Variants in PHACTR1 observed in about 807,000 individuals in gnomAD.
The protein encoded by PHACTR1 is RPEL repeat containing 1.
Under a neutral mutation model 69.2 loss-of-function variants are expected in PHACTR1, and 16 were observed. The ratio of observed to expected loss-of-function variants is 0.23; its 90% CI spans 0.16 to 0.35. PHACTR1 has a LOEUF of 0.35. Ranked by LOEUF, PHACTR1 falls within the 10% of genes least tolerant of loss-of-function variation. The pLI is 1.00. For synonymous variants in PHACTR1, 312 were observed against 284.5 expected, an observed-to-expected ratio of 1.10 and a Z score of -0.97; for missense variants, 510 against 734.7, an observed-to-expected ratio of 0.69 and a Z score of 3.54.
chr6:13,221,350 A>G (rs1338789085), intron 8 of PHACTR1, among the ~76,000 whole-genome samples: 6 of 144,654 alleles, frequency 4.1e-5, no homozygotes, highest in Admixed American at 3.5e-4. Context: ...CCAGTTTACA[A>G]TGAGGCCTTT....
intron 4 of PHACTR1, among the ~76,000 whole-genome samples, chr6:13,051,632 A>G (rs939730608): frequency 9.9e-5 from 15 of 152,142 alleles, no homozygotes; most frequent in African/African-American, 3.1e-4. Flanking sequence ...TCCCCTTGCC[A>G]GGAGAACAGC....
intron 4 of PHACTR1, among the ~76,000 whole-genome samples, chr6:12,774,335 T>C (rs546697902): frequency 6.6e-6 from 1 of 152,316 alleles, no homozygotes; most frequent in South Asian, 2.1e-4. Flanking sequence ...TCCCCAATAC[T>C]TCAAAGGAAA....
intron 4 of PHACTR1, among the ~76,000 whole-genome samples, chr6:12,983,024 A>G (rs1050324985): frequency 6.6e-6 from 1 of 152,248 alleles, no homozygotes; most frequent in African/African-American, 2.4e-5. Flanking sequence ...GCTCCTGCAT[A>G]CCACAGTCAT....
rs761188848 is a variant in PHACTR1, at chr6:13,287,372, C to T, written c.*294C>T. 42 of 468,692 alleles carry T rather than the reference C, an allele frequency of 9.0e-5. No individual in the cohort carries two copies. The highest frequency in any genetic ancestry group is 1.4e-4 in the Non-Finnish European group (36 of 261,840). The allele number at this position is 468,692 out of a possible 1,614,324, so 29.0% of individuals were successfully genotyped here. A position where few individuals can be genotyped will look rare whatever the true frequency, so the allele number is the denominator to read the frequency against. Reference sequence around the variant, plus strand: ...ACTGAAGACTGTCTGGCAGGTGGAACGGTCCTTGTCCTCTCCAGCCAGGCC... The same window carrying T: ...ACTGAAGACTGTCTGGCAGGTGGAATGGTCCTTGTCCTCTCCAGCCAGGCC... On this transcript the variant is annotated 3_prime_UTR_variant, in exon 15 of 15. Transcript: ENST00000332995.
intron 7 of PHACTR1, among the ~76,000 whole-genome samples, chr6:13,202,708 C>T (rs1765398793): frequency 6.6e-6 from 1 of 152,208 alleles, no homozygotes; most frequent in Non-Finnish European, 1.5e-5. Context: ...AACTCCTGAC[C>T]TCAAGTAATC....
intron 4 of PHACTR1, among the ~76,000 whole-genome samples, chr6:12,913,832 A>G (rs1786670444): frequency 6.6e-6 from 1 of 152,248 alleles, no homozygotes. Flanking sequence ...AGGTGGTCAC[A>G]GAGGTGACCT....
At chr6:13,005,715 A>C (rs1297594083) in intron 4 of PHACTR1, among the ~76,000 whole-genome samples, 2 of 152,164 alleles carry the variant, frequency 1.3e-5, no homozygotes, top group African/African-American at 4.8e-5. Context: ...CACAAGTCTT[A>C]GAGCATATTC....
At chr6:12,750,482 AG>A (rs1279473330) in intron 4 of PHACTR1, among the ~76,000 whole-genome samples, 1 of 146,690 alleles carries the variant, frequency 6.8e-6, no homozygotes, top group African/African-American at 2.5e-5. Flanking sequence ...GAGGGAAGGC[AG>A]TGGGGCGCTA....
At chr6:13,173,710 A>T (rs1335487809) in intron 6 of PHACTR1, among the ~76,000 whole-genome samples, 1 of 152,024 alleles carries the variant, frequency 6.6e-6, no homozygotes, top group Admixed American at 6.6e-5. Flanking sequence ...CTAAAACGAC[A>T]CCTCTCTGAG....
chr6:13,098,623 G>T (rs1404602209), intron 5 of PHACTR1, among the ~76,000 whole-genome samples: 4 of 152,074 alleles, frequency 2.6e-5, no homozygotes, highest in African/African-American at 9.7e-5. Context: ...TCCCAGACCT[G>T]ATCCACCTTC....
chr6:12,999,696 A>G (rs1797858923), intron 4 of PHACTR1, among the ~76,000 whole-genome samples: 1 of 152,200 alleles, frequency 6.6e-6, no homozygotes, highest in Non-Finnish European at 1.5e-5. Context: ...GAAGCCTATA[A>G]AGCAATATTT....
chr6:13,238,377 G>C (rs1339445239), intron 10 of PHACTR1, among the ~76,000 whole-genome samples: 1 of 152,134 alleles, frequency 6.6e-6, no homozygotes, highest in Non-Finnish European at 1.5e-5. Context: ...GAGATAGTGA[G>C]ATAATAGTCT....
intron 7 of PHACTR1, among the ~76,000 whole-genome samples, chr6:13,191,671 C>T (rs1257387593): frequency 6.6e-6 from 1 of 152,162 alleles, no homozygotes; most frequent in East Asian, 1.9e-4. Context: ...GGCTTGTTTC[C>T]ATATCAAAGG....
At chr6:13,107,977 T>C (rs1437168434) in intron 5 of PHACTR1, among the ~76,000 whole-genome samples, 1 of 152,100 alleles carries the variant, frequency 6.6e-6, no homozygotes, top group Non-Finnish European at 1.5e-5. Flanking sequence ...AGTGGGATGT[T>C]TGTATCATTG....
chr6:13,152,924 G>A (rs138406981), intron 5 of PHACTR1, among the ~76,000 whole-genome samples: 1 of 152,190 alleles, frequency 6.6e-6, no homozygotes, highest in African/African-American at 2.4e-5. Flanking sequence ...GGATTGGCCA[G>A]CAGGAACACT....
chr6:12,741,212 CAGA>C (rs965893829), intron 3 of PHACTR1, among the ~76,000 whole-genome samples: 1 of 151,918 alleles, frequency 6.6e-6, no homozygotes, highest in African/African-American at 2.4e-5. Flanking sequence ...TTATGATGAA[CAGA>C]AGTTCTTAAT....
At chr6:12,939,240 G>A (rs1789811527) in intron 4 of PHACTR1, among the ~76,000 whole-genome samples, 1 of 152,134 alleles carries the variant, frequency 6.6e-6, no homozygotes, top group African/African-American at 2.4e-5. Context: ...ATGTCACTTG[G>A]TCTCTCCATA....
intron 4 of PHACTR1, among the ~76,000 whole-genome samples, chr6:13,046,801 T>C (rs962042488): frequency 3.1e-5 from 4 of 127,254 alleles, no homozygotes; most frequent in East Asian, 2.0e-4. Context: ...TAAACATGTT[T>C]TACTCTTTAA....
intron 4 of PHACTR1, among the ~76,000 whole-genome samples, chr6:12,789,233 G>C (rs1039206411): frequency 7.2e-5 from 11 of 152,078 alleles, no homozygotes; most frequent in African/African-American, 2.7e-4. Context: ...TACTTGGCTG[G>C]TCAGCAACAT....
Sources: gnomAD v4.1 joint callset for allele counts (sites outside exome capture counted in the v4.1 genomes callset) on GRCh38, gnomAD v4.1.1 for gene constraint, MANE v1.5 for transcripts, NCBI Gene and HGNC (gene_info 2026-07-23, HGNC 2026-07-21) for gene names.